The following RBFOX1 variants were observed in gnomAD, a reference collection of about 807,000 sequenced individuals.
The protein encoded by RBFOX1 is RNA binding protein fox-1 homolog 1.
Under a neutral mutation model 57.7 loss-of-function variants are expected in RBFOX1, and 8 were observed. The observed-to-expected ratio is 0.14, with a 90% CI of 0.08 to 0.25. The LOEUF (loss-of-function observed/expected upper bound fraction) is 0.25, where lower values mean the gene tolerates loss of function less well. Ranked by LOEUF, RBFOX1 falls within the 10% of genes least tolerant of loss-of-function variation. The pLI is 1.00. For synonymous variants in RBFOX1, 326 were observed against 222.4 expected (o/e 1.47, Z -4.15); for missense variants, 611 against 548.5 (o/e 1.11, Z -1.14).
chr16:6,606,147 G>T (rs1006783789), intron 2 of RBFOX1, among the ~76,000 whole-genome samples: 5 of 152,098 alleles, frequency 3.3e-5, no homozygotes, highest in South Asian at 2.1e-4. Context: ...TTATAATGCT[G>T]AATGTATTTC....
Position 7,518,235 on chromosome 16 carries a change from C to A in RBFOX1, c.116C>A (p.Ala39Glu). Residue 39 changes from alanine (A) to glutamate (E), a missense_variant, in exon 5 of 16, where the codon GCG becomes GAG. This residue lies in a region of RBFOX1 where 245 missense variants were observed against 159.1 expected (regional missense o/e 1.54). Transcript: ENST00000550418. ...QFAPPQNGIP[A>E]EYTAPHPHPA... ...GCTCCCCCGCAGAACGGTATCCCCG[C>A]GGAATACACGGCCCCTCATCCCCAC... is the stretch of plus-strand genomic sequence containing the variant. 1.9e-6 allele frequency: 3 copies of A among 1,614,134 alleles called. No individual in the cohort carries two copies. Among genetic ancestry groups the A allele is most frequent in the Non-Finnish European group, 2.5e-6 (3 of 1,180,012 alleles).
intron 3 of RBFOX1, among the ~76,000 whole-genome samples, chr16:5,676,851 G>A (rs971945982): frequency 1.5e-4 from 23 of 150,356 alleles, no homozygotes; most frequent in Non-Finnish European, 2.5e-4. Flanking sequence ...AACAGAGCAA[G>A]ACTCCACCTC....
intron 3 of RBFOX1, among the ~76,000 whole-genome samples, chr16:5,664,928 TC>T (rs753218722): frequency 9.3e-5 from 14 of 151,100 alleles, no homozygotes; most frequent in Non-Finnish European, 1.8e-4. Context: ...CAGGTTGATT[TC>T]CCATTTGTTA....
chr16:6,765,937 G>T (rs2077260443), intron 3 of RBFOX1, among the ~76,000 whole-genome samples: 1 of 152,118 alleles, frequency 6.6e-6, no homozygotes. Context: ...GTATGAGGAT[G>T]CAAAGGTATA....
chr16:5,998,429 G>A (rs934017697), intron 4 of RBFOX1, among the ~76,000 whole-genome samples: 1 of 152,236 alleles, frequency 6.6e-6, no homozygotes, highest in Admixed American at 6.5e-5. Context: ...AGATATTGGG[G>A]GAAGGCGGGC....
intron 2 of RBFOX1, among the ~76,000 whole-genome samples, chr16:6,575,777 A>T (rs2097424990): frequency 6.6e-6 from 1 of 151,768 alleles, no homozygotes; most frequent in East Asian, 2.0e-4. Context: ...GAATCGCTTG[A>T]ACCCAGGAGG....
chr16:5,422,021 C>T (rs1330156902), intron 1 of RBFOX1, among the ~76,000 whole-genome samples: 1 of 152,176 alleles, frequency 6.6e-6, no homozygotes, highest in Non-Finnish European at 1.5e-5. Context: ...GAAGGGTTTT[C>T]TTTAAAAGCA....
intron 1 of RBFOX1, among the ~76,000 whole-genome samples, chr16:5,394,565 C>CT (rs35758196): frequency 0.01 from 1,404 of 134,236 alleles, 24 homozygotes; most frequent in African/African-American, 0.029. Flanking sequence ...TTCTTTCTGT[C>CT]TTTTTTTTTT....
chr16:6,306,279 A>G (rs1247457944), intron 1 of RBFOX1, among the ~76,000 whole-genome samples: 2 of 152,138 alleles, frequency 1.3e-5, no homozygotes, highest in South Asian at 2.1e-4. Context: ...GGGAGGCAGT[A>G]TTTGAGCTGA....
At chr16:6,515,091 G>T (rs1346598560) in intron 2 of RBFOX1, among the ~76,000 whole-genome samples, 1 of 152,094 alleles carries the variant, frequency 6.6e-6, no homozygotes, top group Non-Finnish European at 1.5e-5. Flanking sequence ...GGAAAGGAGA[G>T]AAGGAGAGAA....
Position 5,273,819 on chromosome 16 carries a change from A to C in RBFOX1, c.219+33714A>C, listed in dbSNP as rs142301065. 1.9e-3 allele frequency among the ~76,000 whole-genome samples: 293 copies of C among 152,268 alleles called. 2 individuals are homozygous for C. In the East Asian group the frequency reaches 0.02, roughly 10 times the overall value. ...GAAGAATGGAGAGTTCGGGGGATGT[A>C]GTTCCTACCTGGCTTTCCAACAGTG... On this transcript the variant is annotated intron_variant, in intron 1 of 2. Transcript: ENST00000585867.
intron 1 of RBFOX1, among the ~76,000 whole-genome samples, chr16:5,274,891 C>G (rs1272615838): frequency 6.6e-6 from 1 of 152,134 alleles, no homozygotes; most frequent in South Asian, 2.1e-4. Flanking sequence ...GAGGAGGAAG[C>G]CTCATTAACT....
intron 4 of RBFOX1, among the ~76,000 whole-genome samples, chr16:7,265,979 T>G (rs1475984490): frequency 3.6e-5 from 5 of 140,324 alleles, no homozygotes; most frequent in South Asian, 2.4e-4. Flanking sequence ...TTTTTTTTTT[T>G]TTTTTTTTTT....
chr16:6,525,977 G>C (rs1193047782), intron 2 of RBFOX1, among the ~76,000 whole-genome samples: 1 of 152,120 alleles, frequency 6.6e-6, no homozygotes, highest in Non-Finnish European at 1.5e-5. Context: ...GGAAGTAAAG[G>C]TCAAGTAAAA....
chr16:7,111,433 A>G (rs936540735), intron 4 of RBFOX1, among the ~76,000 whole-genome samples: 6 of 152,196 alleles, frequency 3.9e-5, no homozygotes, highest in African/African-American at 1.4e-4. Context: ...CTCTTTTAAT[A>G]GCCTTTGTAA....
chr16:7,058,653 A>T (rs922104896), intron 4 of RBFOX1, among the ~76,000 whole-genome samples: 1 of 152,220 alleles, frequency 6.6e-6, no homozygotes, highest in Non-Finnish European at 1.5e-5. Flanking sequence ...TAATTAATGC[A>T]TATGAGGTTG....
At chr16:5,390,928 C>G (rs1343220441) in intron 1 of RBFOX1, among the ~76,000 whole-genome samples, 1 of 152,176 alleles carries the variant, frequency 6.6e-6, no homozygotes, top group Non-Finnish European at 1.5e-5. Flanking sequence ...AGACTAGATG[C>G]CAGTGGTGCG....
At chr16:5,989,130 C>G (rs1182629073) in intron 4 of RBFOX1, among the ~76,000 whole-genome samples, 5 of 149,852 alleles carry the variant, frequency 3.3e-5, no homozygotes, top group East Asian at 3.9e-4. Flanking sequence ...ACCATCCTGA[C>G]TAACACAGTG....
At chr16:5,680,476 C>G (rs1030379188) in intron 3 of RBFOX1, among the ~76,000 whole-genome samples, 1 of 152,204 alleles carries the variant, frequency 6.6e-6, no homozygotes, top group Non-Finnish European at 1.5e-5. Context: ...TCTTTAAAGA[C>G]TGAGACTCCC....
Sources: allele counts gnomAD v4.1 joint callset (sites outside exome capture counted in the v4.1 genomes callset), GRCh38; gene constraint gnomAD v4.1.1; regional missense constraint gnomAD v4.1.1; transcripts MANE v1.5; gene names NCBI Gene and HGNC (gene_info 2026-07-23, HGNC 2026-07-21).